Variants in DSCAML1 observed in about 807,000 individuals in gnomAD.
The protein encoded by DSCAML1 is cell adhesion molecule DSCAML1.
A neutral mutation model predicts 200.5 loss-of-function variants in DSCAML1; 38 were observed. The ratio of observed to expected loss-of-function variants is 0.19; its 90% CI spans 0.15 to 0.25. The LOEUF (loss-of-function observed/expected upper bound fraction) is 0.25, where lower values mean the gene tolerates loss of function less well. DSCAML1 is among the 10% of genes least tolerant of loss of function. DSCAML1 has a pLI of 1.00. For synonymous variants in DSCAML1, 1,215 were observed against 1,165.0 expected (o/e 1.04, Z -0.87); for missense variants, 2,223 against 2,858.8 (o/e 0.78, Z 5.07).
intron 3 of DSCAML1, among the ~76,000 whole-genome samples, chr11:117,683,491 C>T (rs893285207): frequency 1.3e-5 from 2 of 152,212 alleles, no homozygotes; most frequent in African/African-American, 4.8e-5. Context: ...CAAAGCTCAA[C>T]GACATGCAGC....
Position 117,700,046 on chromosome 11 carries a change from C to A in DSCAML1, c.511+76745G>T, listed in dbSNP as rs549938010. ...GGCAGGAGGTCACTTAATAAAGAGA[C>A]CTCGTGCTTGTGTGGCGTCCTTCAT... On this transcript the variant is annotated intron_variant, in intron 3 of 32. Coordinates refer to ENST00000651296, the MANE Select transcript of DSCAML1 (RefSeq NM_020693.4). Among the ~76,000 whole-genome samples, 14 of 152,284 alleles carry A rather than the reference C, an allele frequency of 9.2e-5. No homozygotes were observed. The East Asian group carries it at 2.5e-3, about 27-fold the overall frequency.
In DSCAML1 at chr11:117,428,200, G is replaced by C. The variant is rs1300569187; in HGVS notation, c.*128C>G. 2.3e-5 allele frequency: 15 copies of C among 649,712 alleles called. No homozygotes were observed. Among genetic ancestry groups the C allele is most frequent in the Non-Finnish European group, 5.5e-6 (2 of 362,202 alleles). The allele number at this position is 649,712 out of a possible 1,614,324, so 40.2% of individuals were successfully genotyped here. On this transcript the variant is annotated 3_prime_UTR_variant, in exon 33 of 33. Coordinates refer to ENST00000651296, the MANE Select transcript of DSCAML1 (RefSeq NM_020693.4). The stretch of plus-strand genomic sequence containing the variant: ...CTATGTACAGGCGTTCATGATTGGG[G>C]GTTTTTGTTTTGTCGTTGGTTGGTT...
intron 4 of DSCAML1, among the ~76,000 whole-genome samples, chr11:117,528,124 G>T (rs1018563595): frequency 6.6e-6 from 1 of 152,202 alleles, no homozygotes; most frequent in Non-Finnish European, 1.5e-5. Flanking sequence ...TTACTATCTA[G>T]AGCTCATGTG....
chr11:117,695,560 G>A (rs1176013419), intron 3 of DSCAML1, among the ~76,000 whole-genome samples: 1 of 152,098 alleles, frequency 6.6e-6, no homozygotes. Context: ...GTAGATGCAG[G>A]GAAGAGCTCA....
At chr11:117,738,160 C>G (rs935143884) in intron 3 of DSCAML1, among the ~76,000 whole-genome samples, 1 of 152,108 alleles carries the variant, frequency 6.6e-6, no homozygotes, top group Non-Finnish European at 1.5e-5. Flanking sequence ...CTGCATTGTT[C>G]TAGAAGGGGA....
intron 1 of DSCAML1, among the ~76,000 whole-genome samples, chr11:117,796,529 C>A (rs2055579170): frequency 6.6e-6 from 1 of 152,242 alleles, no homozygotes; most frequent in South Asian, 2.1e-4. Flanking sequence ...AAGCGCCATG[C>A]GGTGCGCCAA....
At chr11:117,494,227 G>T (rs1441764643) in intron 11 of DSCAML1, among the ~76,000 whole-genome samples, 1 of 152,178 alleles carries the variant, frequency 6.6e-6, no homozygotes, top group Non-Finnish European at 1.5e-5. Context: ...GAGCTGTAAA[G>T]GGCCTGAAGT....
chr11:117,475,554 C>T (rs1242188280), intron 14 of DSCAML1, among the ~76,000 whole-genome samples: 2 of 152,224 alleles, frequency 1.3e-5, no homozygotes, highest in East Asian at 1.9e-4. Context: ...ATGCTAAGCT[C>T]CCTGAAGTCA....
chr11:117,450,455 G>T, intron 20 of DSCAML1, 94 bp downstream of exon 20: 1 of 1,495,140 alleles, frequency 6.7e-7, no homozygotes, highest in South Asian at 1.3e-5. Context: ...TCAGATACAG[G>T]CAGCCTCAGG....
chr11:117,472,301 T>C (rs192030184), intron 14 of DSCAML1, among the ~76,000 whole-genome samples: 2 of 152,076 alleles, frequency 1.3e-5, no homozygotes, highest in African/African-American at 4.8e-5. Context: ...GGACGAGACG[T>C]TCCCCAAGGT....
intron 3 of DSCAML1, among the ~76,000 whole-genome samples, chr11:117,597,895 A>G (rs1037334021): frequency 1.4e-5 from 2 of 144,290 alleles, no homozygotes; most frequent in South Asian, 2.3e-4. Context: ...CTCTAGGAAT[A>G]TTGTCTTTAC....
At chr11:117,583,878 C>T (rs899809549) in intron 3 of DSCAML1, among the ~76,000 whole-genome samples, 4 of 152,224 alleles carry the variant, frequency 2.6e-5, no homozygotes, top group African/African-American at 7.2e-5. Flanking sequence ...TTCACTTTAG[C>T]GTTGCTCTTC....
intron 3 of DSCAML1, among the ~76,000 whole-genome samples, chr11:117,655,929 G>T (rs1271308310): frequency 6.6e-6 from 1 of 152,150 alleles, no homozygotes; most frequent in African/African-American, 2.4e-5. Flanking sequence ...GACGAGGGGA[G>T]GTGAAGGCTC....
chr11:117,462,287 C>A (rs2048496127), intron 17 of DSCAML1, among the ~76,000 whole-genome samples: 1 of 151,932 alleles, frequency 6.6e-6, no homozygotes, highest in African/African-American at 2.4e-5. Flanking sequence ...GGTGCTTCTC[C>A]CGCCAGTCAC....
chr11:117,439,979 G>T, intron 21 of DSCAML1, 43 bp from the exon 22 acceptor site: 1 of 1,536,810 alleles, frequency 6.5e-7, no homozygotes, highest in Non-Finnish European at 9.0e-7. Context: ...TTCTACCCCT[G>T]CACAATATCC....
intron 3 of DSCAML1, among the ~76,000 whole-genome samples, chr11:117,546,662 C>T (rs1008788392): frequency 2.8e-4 from 42 of 152,136 alleles, no homozygotes; most frequent in African/African-American, 8.4e-4. Context: ...TCACTGTCTC[C>T]GGAGCAGCTC....
intron 3 of DSCAML1, among the ~76,000 whole-genome samples, chr11:117,598,079 A>G (rs622860): frequency 0.23 from 34,682 of 152,104 alleles, 4,052 homozygotes; most frequent in South Asian, 0.35. Flanking sequence ...TTCCTCCAAC[A>G]TGTGGGTGGT....
At chr11:117,521,438 G>T in intron 5 of DSCAML1, 33 bp from the exon 6 acceptor site, 1 of 1,600,894 alleles carries the variant, frequency 6.2e-7, no homozygotes, top group South Asian at 1.1e-5. Context: ...GAGGGGAAAT[G>T]GGAGGGAGGA....
intron 21 of DSCAML1, among the ~76,000 whole-genome samples, chr11:117,441,864 A>T (rs1450413305): frequency 6.6e-6 from 1 of 152,108 alleles, no homozygotes; most frequent in Non-Finnish European, 1.5e-5. Flanking sequence ...GGGGGCGGTG[A>T]GAAGCCTGGG....
Sources: allele counts gnomAD v4.1 joint callset (sites outside exome capture counted in the v4.1 genomes callset), GRCh38; gene constraint gnomAD v4.1.1; transcripts MANE v1.5; gene names NCBI Gene and HGNC (gene_info 2026-07-23, HGNC 2026-07-21).